PLCG2: variants seen among roughly 807,000 people sequenced by gnomAD.
PLCG2 encodes the protein phospholipase C gamma 2.
A neutral mutation model predicts 175.6 loss-of-function variants in PLCG2; 69 were observed. The observed-to-expected ratio is 0.39, with a 90% CI of 0.32 to 0.48. The LOEUF (loss-of-function observed/expected upper bound fraction) is 0.48. PLCG2 is among the 20% of genes least tolerant of loss of function. The probability of loss-of-function intolerance (pLI) is 0.91; values close to 1 mark genes in which losing one functional copy is unlikely to be tolerated. For synonymous variants in PLCG2, 827 were observed against 624.0 expected (o/e 1.33, Z -4.85); for missense variants, 1,798 against 1,650.9 (o/e 1.09, Z -1.54).
At chr16:81,937,106 A>C (rs1910747860) in intron 27 of PLCG2, among the ~76,000 whole-genome samples, 1 of 152,234 alleles carries the variant, frequency 6.6e-6, no homozygotes. Flanking sequence ...CTTTGCCCTG[A>C]GGAAAACCAC....
intron 2 of PLCG2, among the ~76,000 whole-genome samples, chr16:81,761,536 C>G (rs959833267): frequency 6.6e-6 from 1 of 152,164 alleles, no homozygotes; most frequent in African/African-American, 2.4e-5. Flanking sequence ...ATATGTCTTT[C>G]CCTCGGCTAG....
At chr16:81,778,452 C>G (rs1051107786), upstream of PLCG2, among the ~76,000 whole-genome samples, 3 of 152,196 alleles carry the variant, frequency 2.0e-5, no homozygotes, top group African/African-American at 7.2e-5. Context: ...CTGAAACTGC[C>G]TCTAGTCACA....
At chr16:81,864,722 G>A (rs1048866406) in intron 5 of PLCG2, among the ~76,000 whole-genome samples, 7 of 152,178 alleles carry the variant, frequency 4.6e-5, no homozygotes, top group African/African-American at 1.4e-4. Flanking sequence ...GGCAGTGGAG[G>A]TGCCGGCCCA....
chr16:81,754,846 A>C lies in PLCG2; in HGVS notation c.-144-1024A>C, dbSNP rs78246923. On this transcript the variant is annotated intron_variant, in intron 1 of 5. Transcript: ENST00000565054. ...TGCCTGCTACATTGTAGGTATTCAA[A>C]CTTTAGTTATCATTATTATCTTTTA... Among the ~76,000 whole-genome samples, 15 of 152,318 alleles carry C rather than the reference A, an allele frequency of 9.8e-5. No homozygotes were observed. The East Asian group carries it at 2.9e-3, about 29-fold the overall frequency.
intron 1 of PLCG2, among the ~76,000 whole-genome samples, chr16:81,784,314 A>C (rs1910873822): frequency 1.3e-5 from 2 of 152,192 alleles, no homozygotes; most frequent in Non-Finnish European, 2.9e-5. Flanking sequence ...ATTAATGCTA[A>C]CTGAGACCCT....
chr16:81,839,882 C>T (rs1345498893), intron 2 of PLCG2, among the ~76,000 whole-genome samples: 1 of 152,150 alleles, frequency 6.6e-6, no homozygotes, highest in Non-Finnish European at 1.5e-5. Flanking sequence ...GAGACCTTGT[C>T]TCTACTAAAA....
chr16:81,897,706 C>T (rs1014840122), intron 13 of PLCG2, among the ~76,000 whole-genome samples: 27 of 151,860 alleles, frequency 1.8e-4, no homozygotes, highest in Admixed American at 5.9e-4. Flanking sequence ...CCATCATGCC[C>T]GGCTAATTTG....
intron 14 of PLCG2, among the ~76,000 whole-genome samples, chr16:81,902,595 T>A (rs4889438): frequency 6.6e-6 from 1 of 151,924 alleles, no homozygotes; most frequent in South Asian, 2.1e-4. Context: ...TCCCATTCAC[T>A]GGAGCTCTAC....
chr16:81,841,162 A>G (rs7196980), intron 2 of PLCG2, among the ~76,000 whole-genome samples: 17,751 of 152,172 alleles, frequency 0.12, 1,109 homozygotes, highest in South Asian at 0.2. Flanking sequence ...AACAAAGAAG[A>G]TAAGGGCAGG....
chr16:81,863,160 C>T (rs1249694247), intron 5 of PLCG2, among the ~76,000 whole-genome samples: 1 of 152,176 alleles, frequency 6.6e-6, no homozygotes, highest in African/African-American at 2.4e-5. Flanking sequence ...AACTTTTTAT[C>T]ATCTCAAACT....
intron 1 of PLCG2, among the ~76,000 whole-genome samples, chr16:81,743,822 G>A (rs914117838): frequency 6.6e-6 from 1 of 151,894 alleles, no homozygotes; most frequent in African/African-American, 2.4e-5. Flanking sequence ...GTGGCCCTTG[G>A]TTTTCAGTTA....
intron 30 of PLCG2, among the ~76,000 whole-genome samples, chr16:81,943,330 A>AGG (rs1402075919): frequency 4.6e-5 from 7 of 152,164 alleles, no homozygotes; most frequent in Admixed American, 4.6e-4. Flanking sequence ...TCCTGGTAGA[A>AGG]GGGGAACAAG....
At chr16:81,852,096 C>G (rs1245891464) in intron 2 of PLCG2, 2 of 152,294 alleles carry the variant, frequency 1.3e-5, no homozygotes, top group Non-Finnish European at 2.9e-5. Context: ...TCCTTTCTCA[C>G]TCTCATCTCC....
intron 31 of PLCG2, among the ~76,000 whole-genome samples, chr16:81,953,454 G>T (rs1189510640): frequency 1.3e-5 from 2 of 152,092 alleles, no homozygotes; most frequent in South Asian, 2.1e-4. Context: ...CAATTTAAAA[G>T]GTATTGGTGG....
intron 2 of PLCG2, among the ~76,000 whole-genome samples, chr16:81,833,973 G>A (rs767554833): frequency 6.6e-6 from 1 of 152,186 alleles, no homozygotes; most frequent in Non-Finnish European, 1.5e-5. Flanking sequence ...AAGCTAGCAG[G>A]TTCACCCCAA....
chr16:81,869,184 G>A (rs371816221), intron 5 of PLCG2, 30 bp from the exon 6 acceptor site: 9 of 1,572,506 alleles, frequency 5.7e-6, no homozygotes, highest in Admixed American at 1.7e-5. Context: ...AACCCTCAAG[G>A]TGACAGAACT....
At chr16:81,901,701 T>C (rs1597119234) in intron 14 of PLCG2, among the ~76,000 whole-genome samples, 1 of 152,184 alleles carries the variant, frequency 6.6e-6, no homozygotes, top group African/African-American at 2.4e-5. Context: ...AAGTCATGAG[T>C]GTTTTCATAT....
At chr16:81,896,365 AACACACACACACACACACACAC>A (rs57375866) in intron 13 of PLCG2, among the ~76,000 whole-genome samples, 26,504 of 121,106 alleles carry the variant, frequency 0.22, 2,918 homozygotes, top group Middle Eastern at 0.3. Context: ...TCTCTACCAA[AACACACACACACACACACACAC>A]ACACACACAC....
intron 2 of PLCG2, among the ~76,000 whole-genome samples, chr16:81,811,542 C>G (rs1442887442): frequency 6.6e-6 from 1 of 152,034 alleles, no homozygotes; most frequent in Admixed American, 6.6e-5. Context: ...CTAACAGGCC[C>G]CAGTGTGTGG....
Sources: gnomAD v4.1 joint callset for allele counts (sites outside exome capture counted in the v4.1 genomes callset) on GRCh38, gnomAD v4.1.1 for gene constraint, MANE v1.5 for transcripts, NCBI Gene and HGNC (gene_info 2026-07-23, HGNC 2026-07-21) for gene names.